CBLN2: variants seen among roughly 807,000 people sequenced by gnomAD.
The protein encoded by CBLN2 is cerebellin-2.
A neutral mutation model predicts 15.0 loss-of-function variants in CBLN2; 7 were observed. That is an observed-to-expected ratio of 0.47 (90% CI 0.27 to 0.88). CBLN2 has a LOEUF of 0.88. Ranked by LOEUF, CBLN2 falls within the 40% of genes least tolerant of loss-of-function variation. The probability of loss-of-function intolerance (pLI) is 0.14; values close to 1 mark genes in which losing one functional copy is unlikely to be tolerated. For missense variants in CBLN2, 242 were observed against 304.5 expected, an observed-to-expected ratio of 0.79 and a Z score of 1.53; for synonymous variants, 149 against 135.2, an observed-to-expected ratio of 1.10 and a Z score of -0.71.
intron 1 of CBLN2, among the ~76,000 whole-genome samples, chr18:72,557,725 AG>A (rs1458427158): frequency 6.6e-6 from 1 of 152,124 alleles, no homozygotes; most frequent in African/African-American, 2.4e-5. Context: ...GGACACAGGG[AG>A]GGGGAAGAAT....
chr18:72,617,725 G>C (rs1016012300), intron 1 of CBLN2, among the ~76,000 whole-genome samples: 5 of 152,112 alleles, frequency 3.3e-5, no homozygotes, highest in Non-Finnish European at 5.9e-5. Context: ...AGTACAGATA[G>C]CTCACAATTA....
intron 1 of CBLN2, among the ~76,000 whole-genome samples, chr18:72,566,177 C>A (rs916564713): frequency 6.6e-6 from 1 of 151,972 alleles, no homozygotes; most frequent in African/African-American, 2.4e-5. Context: ...CAGGTGTTGG[C>A]CAGGATATGG....
upstream of CBLN2, among the ~76,000 whole-genome samples, chr18:72,546,441 C>CAA (rs774107488): frequency 1.5e-3 from 176 of 120,748 alleles, 1 homozygote; most frequent in African/African-American, 2.9e-3. Flanking sequence ...CGCTCTCTCT[C>CAA]AAAAAAAAAA....
intron 1 of CBLN2, among the ~76,000 whole-genome samples, chr18:72,592,639 G>A (rs1311472327): frequency 6.6e-6 from 1 of 152,058 alleles, no homozygotes; most frequent in Non-Finnish European, 1.5e-5. Context: ...TTATATTTAA[G>A]TCTTTAATAC....
intron 1 of CBLN2, among the ~76,000 whole-genome samples, chr18:72,574,290 A>G (rs551192852): frequency 2.0e-5 from 3 of 152,258 alleles, no homozygotes; most frequent in African/African-American, 7.2e-5. Flanking sequence ...ATTTTAATCA[A>G]GTTTTACGGA....
chr18:72,623,851 C>A (rs1300277611), intron 1 of CBLN2, among the ~76,000 whole-genome samples: 1 of 152,144 alleles, frequency 6.6e-6, no homozygotes, highest in Non-Finnish European at 1.5e-5. Flanking sequence ...ATTCACCGGA[C>A]TGATCGCTCT....
intron 1 of CBLN2, among the ~76,000 whole-genome samples, chr18:72,621,064 A>G (rs1203367102): frequency 6.6e-6 from 1 of 152,166 alleles, no homozygotes; most frequent in Non-Finnish European, 1.5e-5. Context: ...GCTGGATTGG[A>G]ATTACATGGA....
chr18:72,569,528 A>C (rs2069316953), intron 1 of CBLN2, among the ~76,000 whole-genome samples: 1 of 152,160 alleles, frequency 6.6e-6, no homozygotes. Flanking sequence ...TTTATGAAGG[A>C]AAGAGGTTTA....
rs765605674 is a variant in CBLN2 at position 72,542,175 on chromosome 18, G to C, written c.-15C>G. On this transcript the variant is annotated 5_prime_UTR_variant, in exon 3 of 5. Coordinates refer to ENST00000269503, the MANE Select transcript of CBLN2 (RefSeq NM_182511.4). Reference sequence around the variant, plus strand: ...GGCGCCTGCATCGGGACTGGTGGGAGGCGGCGCGCGGGGGTGGAGGCCGGC... The same window carrying C: ...GGCGCCTGCATCGGGACTGGTGGGACGCGGCGCGCGGGGGTGGAGGCCGGC... 5 of 1,216,536 alleles carry C rather than the reference G, an allele frequency of 4.1e-6. No homozygotes were observed. The highest frequency in any genetic ancestry group is 5.1e-6 in the Non-Finnish European group (5 of 980,040). The allele number at this position is 1,216,536 out of a possible 1,614,324, so 75.4% of individuals were successfully genotyped here. A position where few individuals can be genotyped will look rare whatever the true frequency, so the allele number is the denominator to read the frequency against.
At chr18:72,590,175 G>C (rs1040813766) in intron 1 of CBLN2, among the ~76,000 whole-genome samples, 7 of 152,190 alleles carry the variant, frequency 4.6e-5, no homozygotes, top group Admixed American at 3.9e-4. Context: ...TGAGGCAGGA[G>C]AATGGTGTGA....
At chr18:72,556,990 TC>T (rs1345136042) in intron 1 of CBLN2, among the ~76,000 whole-genome samples, 2 of 152,008 alleles carry the variant, frequency 1.3e-5, no homozygotes, top group Non-Finnish European at 2.9e-5. Flanking sequence ...TATGCTGACA[TC>T]TAAGGAGTAA....
At chr18:72,613,735 C>T (rs2069639067) in intron 1 of CBLN2, among the ~76,000 whole-genome samples, 1 of 152,058 alleles carries the variant, frequency 6.6e-6, no homozygotes, top group Admixed American at 6.6e-5. Flanking sequence ...TACATGAGGC[C>T]CCAGGGACTC....
At chr18:72,578,592 G>C (rs998797174) in intron 1 of CBLN2, among the ~76,000 whole-genome samples, 1 of 151,964 alleles carries the variant, frequency 6.6e-6, no homozygotes, top group African/African-American at 2.4e-5. Flanking sequence ...TTTTTAAAAG[G>C]CTTACAATGT....
At chr18:72,610,886 C>A (rs1319661) in intron 1 of CBLN2, among the ~76,000 whole-genome samples, 4,739 of 152,150 alleles carry the variant, frequency 0.031, 262 homozygotes, top group African/African-American at 0.11. Flanking sequence ...GTATTTCAAC[C>A]CTTACCTCCC....
At chr18:72,572,370 T>A (rs912909150) in intron 1 of CBLN2, among the ~76,000 whole-genome samples, 9 of 152,192 alleles carry the variant, frequency 5.9e-5, no homozygotes, top group African/African-American at 1.9e-4. Flanking sequence ...TCATAGTCAT[T>A]CTGTAGCAAC....
chr18:72,583,379 T>C (rs1383635339), intron 1 of CBLN2, among the ~76,000 whole-genome samples: 1 of 152,076 alleles, frequency 6.6e-6, no homozygotes, highest in Non-Finnish European at 1.5e-5. Context: ...TTATTCCCTC[T>C]CACCCACGCC....
At position 72,566,966 on chromosome 18, in the gene CBLN2, G is replaced by T. The variant is rs535374199; in HGVS notation, c.16-28194C>A. ...AGCTACCTGAGTAACTGGGATTTCA[G>T]ATGCTTGCCACCCTGCCCCGCTAAT... On this transcript the variant is annotated intron_variant, in intron 1 of 2. Transcript: ENST00000581073. Among the ~76,000 whole-genome samples the T allele has an allele frequency of 3.9e-5, 6 of 152,090 alleles. No individual in the cohort carries two copies. In the South Asian group the frequency reaches 1.3e-3, roughly 32 times the overall value.
intron 1 of CBLN2, among the ~76,000 whole-genome samples, chr18:72,619,536 G>A (rs754861577): frequency 2.8e-4 from 42 of 152,194 alleles, no homozygotes; most frequent in African/African-American, 7.0e-4. Context: ...ATCTGATCAC[G>A]ATGCTGAATA....
chr18:72,571,043 A>G (rs1429031103), intron 1 of CBLN2, among the ~76,000 whole-genome samples: 1 of 152,064 alleles, frequency 6.6e-6, no homozygotes, highest in Non-Finnish European at 1.5e-5. Context: ...ATGTATGTTT[A>G]TATATTATGT....
Sources: gnomAD v4.1 joint callset for allele counts (sites outside exome capture counted in the v4.1 genomes callset) on GRCh38, gnomAD v4.1.1 for gene constraint, MANE v1.5 for transcripts, NCBI Gene and HGNC (gene_info 2026-07-23, HGNC 2026-07-21) for gene names.